DLG2: variants seen among roughly 807,000 people sequenced by gnomAD.
DLG2 encodes the protein discs large MAGUK scaffold protein 2, also known as disks large homolog 2.
DLG2 carries 45 observed loss-of-function variants against 132.5 expected under a neutral mutation model. The ratio of observed to expected loss-of-function variants is 0.34; its 90% CI spans 0.27 to 0.44. DLG2 has a LOEUF of 0.44. DLG2 is among the 20% of genes least tolerant of loss of function. The pLI is 1.00. For synonymous variants in DLG2, 424 were observed against 419.6 expected, an observed-to-expected ratio of 1.01 and a Z score of -0.13; for missense variants, 1,045 against 1,196.9, an observed-to-expected ratio of 0.87 and a Z score of 1.87.
chr11:84,227,342 G>A (rs561177527), intron 8 of DLG2, among the ~76,000 whole-genome samples: 1 of 152,070 alleles, frequency 6.6e-6, no homozygotes, highest in African/African-American at 2.4e-5. Context: ...GTGATCAGAG[G>A]GAATAAGGCC....
intron 18 of DLG2, among the ~76,000 whole-genome samples, chr11:83,703,214 A>G (rs965086902): frequency 2.6e-5 from 4 of 152,240 alleles, no homozygotes; most frequent in Non-Finnish European, 5.9e-5. Context: ...CTCTGACCAT[A>G]TCACACAAAT....
intron 8 of DLG2, among the ~76,000 whole-genome samples, chr11:84,230,540 T>C (rs2097077346): frequency 1.3e-5 from 2 of 152,344 alleles, no homozygotes; most frequent in Admixed American, 6.5e-5. Context: ...TGATTTTTTT[T>C]CCTGGTTCTA....
chr11:85,294,071 G>A (rs928440409), intron 3 of DLG2, among the ~76,000 whole-genome samples: 7 of 151,674 alleles, frequency 4.6e-5, no homozygotes, highest in African/African-American at 7.3e-5. Flanking sequence ...ATGAGAACCC[G>A]TATCTACAAA....
chr11:85,537,195 GGCTCTCTGTAAAACGGACCAATCA>G (rs1307077014), intron 3 of DLG2, among the ~76,000 whole-genome samples: 10 of 152,092 alleles, frequency 6.6e-5, no homozygotes, highest in Non-Finnish European at 1.2e-4. Flanking sequence ...TGGACCAATC[GGCTCTCTGTAAAACGGACCAATCA>G]GCTCTCTGTA....
At chr11:83,884,536 A>G (rs2067251153) in intron 15 of DLG2, among the ~76,000 whole-genome samples, 1 of 152,192 alleles carries the variant, frequency 6.6e-6, no homozygotes, top group South Asian at 2.1e-4. Flanking sequence ...AAACAAAAAG[A>G]CAGCAGTAAC....
intron 21 of DLG2, among the ~76,000 whole-genome samples, chr11:83,521,106 C>A (rs1191699370): frequency 6.6e-6 from 1 of 152,192 alleles, no homozygotes; most frequent in African/African-American, 2.4e-5. Flanking sequence ...GTCTTGTAAA[C>A]CTTCACAAAT....
intron 7 of DLG2, among the ~76,000 whole-genome samples, chr11:84,353,740 G>A (rs2098595486): frequency 6.6e-6 from 1 of 152,116 alleles, no homozygotes; most frequent in East Asian, 1.9e-4. Context: ...TTGGCTCTGT[G>A]TTCTTCTGTC....
chr11:85,574,885 A>G (rs2078061502), intron 3 of DLG2, among the ~76,000 whole-genome samples: 1 of 152,120 alleles, frequency 6.6e-6, no homozygotes, highest in Non-Finnish European at 1.5e-5. Flanking sequence ...ATTCCTTTAC[A>G]GCAACACAAA....
At chr11:84,330,508 C>T (rs986800654) in intron 7 of DLG2, among the ~76,000 whole-genome samples, 2 of 152,168 alleles carry the variant, frequency 1.3e-5, no homozygotes, top group East Asian at 3.9e-4. Context: ...GCAGGAGTGA[C>T]ACCAGGAATA....
chr11:85,204,925 T>A lies in DLG2; in HGVS notation c.187-50274A>T, dbSNP rs180880299. 1.4e-4 allele frequency among the ~76,000 whole-genome samples: 21 copies of A among 152,084 alleles called. 1 individual carries two copies. On this transcript the variant is annotated intron_variant, in intron 4 of 27. Coordinates refer to ENST00000376104, the MANE Select transcript of DLG2 (RefSeq NM_001142699.3). Reference sequence around the variant, plus strand: ...TCAACAAAGGTGTCAAGAAAATGCATTGGAGAAGGGACAGACTATTCAAGA... The same window carrying A: ...TCAACAAAGGTGTCAAGAAAATGCAATGGAGAAGGGACAGACTATTCAAGA...
intron 7 of DLG2, among the ~76,000 whole-genome samples, chr11:84,458,786 T>G (rs1011606207): frequency 2.7e-5 from 4 of 150,686 alleles, no homozygotes; most frequent in Admixed American, 6.6e-5. Flanking sequence ...TTTTCATGAT[T>G]TTATTTTTAC....
chr11:83,675,177 A>G (rs1364268436), intron 18 of DLG2, among the ~76,000 whole-genome samples: 1 of 152,244 alleles, frequency 6.6e-6, no homozygotes, highest in Non-Finnish European at 1.5e-5. Flanking sequence ...CTACTTCCTC[A>G]GTGGAAAGAA....
chr11:84,395,587 T>C (rs2098808173), intron 7 of DLG2, among the ~76,000 whole-genome samples: 2 of 152,156 alleles, frequency 1.3e-5, no homozygotes, highest in Admixed American at 1.3e-4. Flanking sequence ...CTTTCTAATT[T>C]TTGTATGTTT....
chr11:85,551,907 C>G (rs1205035908), intron 3 of DLG2, among the ~76,000 whole-genome samples: 4 of 151,702 alleles, frequency 2.6e-5, no homozygotes, highest in African/African-American at 7.3e-5. Context: ...GGAGGTAACT[C>G]AAGTCATAAC....
At chr11:85,201,667 A>G (rs567712117) in intron 4 of DLG2, among the ~76,000 whole-genome samples, 3 of 152,202 alleles carry the variant, frequency 2.0e-5, no homozygotes, top group Non-Finnish European at 4.4e-5. Flanking sequence ...ATAAATACCT[A>G]TTTCCTCAAT....
intron 4 of DLG2, among the ~76,000 whole-genome samples, chr11:85,278,797 G>C (rs990494649): frequency 3.3e-5 from 5 of 151,926 alleles, no homozygotes; most frequent in Admixed American, 1.3e-4. Flanking sequence ...ATCCTTTCTC[G>C]GCTATAGTGT....
chr11:85,079,787 C>T (rs529314586), intron 6 of DLG2, among the ~76,000 whole-genome samples: 7 of 152,180 alleles, frequency 4.6e-5, no homozygotes, highest in East Asian at 1.9e-4. Context: ...TGTGCCACCA[C>T]GCCTGGCTAA....
At chr11:83,783,988 CT>C (rs1269762619) in intron 18 of DLG2, among the ~76,000 whole-genome samples, 1 of 152,092 alleles carries the variant, frequency 6.6e-6, no homozygotes, top group Non-Finnish European at 1.5e-5. Context: ...ATGCTTATTA[CT>C]TAAGGTTAGG....
At chr11:84,773,199 G>A (rs2069730427) in intron 6 of DLG2, among the ~76,000 whole-genome samples, 3 of 152,164 alleles carry the variant, frequency 2.0e-5, no homozygotes, top group South Asian at 4.1e-4. Context: ...ATAAATTCTT[G>A]GAAACATACA....
Sources: gnomAD v4.1 joint callset for allele counts (sites outside exome capture counted in the v4.1 genomes callset) on GRCh38, gnomAD v4.1.1 for gene constraint, MANE v1.5 for transcripts, NCBI Gene and HGNC (gene_info 2026-07-23, HGNC 2026-07-21) for gene names.